Variants in HMGB1 observed in about 807,000 individuals in gnomAD.
The protein encoded by HMGB1 is high mobility group box 1, also known as high mobility group protein B1.
For missense variants in HMGB1, 79 were observed against 253.5 expected (o/e 0.31, Z 4.67); for synonymous variants, 81 against 84.0 (o/e 0.96, Z 0.19).
chr13:30,541,993 T>G (rs1489479457), intron 1 of HMGB1: 1 of 153,082 alleles, frequency 6.5e-6, no homozygotes, highest in African/African-American at 2.4e-5. Flanking sequence ...GCTCAATTTC[T>G]GCTTCCTCCT....
chr13:30,564,417 G>A (rs1467963491), intron 1 of HMGB1, among the ~76,000 whole-genome samples: 1 of 152,054 alleles, frequency 6.6e-6, no homozygotes, highest in African/African-American at 2.4e-5. Flanking sequence ...AATGAGCTGA[G>A]AATACACCAC....
chr13:30,518,770 A>G (rs1888156774), intron 1 of HMGB1, among the ~76,000 whole-genome samples: 2 of 150,188 alleles, frequency 1.3e-5, no homozygotes, highest in African/African-American at 4.9e-5. Context: ...AGTGTCCACA[A>G]GCATGGCTCA....
At chr13:30,597,708 T>C (rs1323114473) in intron 1 of HMGB1, among the ~76,000 whole-genome samples, 1 of 152,230 alleles carries the variant, frequency 6.6e-6, no homozygotes, top group Non-Finnish European at 1.5e-5. Context: ...GGTCAGATAG[T>C]AAACATTTTA....
chr13:30,464,681 G>A (rs1327231510), intron 1 of HMGB1: 1 of 973,390 alleles, frequency 1.0e-6, no homozygotes, highest in African/African-American at 1.8e-5. Context: ...GGCGCGCACG[G>A]AATGGCCGCT....
chr13:30,533,866 CTT>C (rs398056244), intron 1 of HMGB1, among the ~76,000 whole-genome samples: 27 of 142,738 alleles, frequency 1.9e-4, no homozygotes, highest in African/African-American at 4.1e-4. Context: ...TAAAGACTAT[CTT>C]TTTTTTTTTT....
At chr13:30,481,262 G>GA (rs141070482) in intron 1 of HMGB1, among the ~76,000 whole-genome samples, 25 of 130,330 alleles carry the variant, frequency 1.9e-4, no homozygotes, top group East Asian at 8.5e-4. Flanking sequence ...TTTTGATGGA[G>GA]AAAAAAAAAA....
chr13:30,509,949 T>G (rs1254259029), intron 1 of HMGB1, among the ~76,000 whole-genome samples: 1 of 152,188 alleles, frequency 6.6e-6, no homozygotes, highest in Non-Finnish European at 1.5e-5. Context: ...AATAGTCTAT[T>G]TCATATCCCA....
At chr13:30,596,654 T>C (rs1277108267) in intron 1 of HMGB1, among the ~76,000 whole-genome samples, 1 of 152,234 alleles carries the variant, frequency 6.6e-6, no homozygotes, top group East Asian at 1.9e-4. Flanking sequence ...ACAACTTTAC[T>C]ATGCAAGTAT....
At chr13:30,531,509 C>CGTGTGTGTGTGTGTGT (rs376387192) in intron 1 of HMGB1, among the ~76,000 whole-genome samples, 68 of 135,666 alleles carry the variant, frequency 5.0e-4, no homozygotes, top group African/African-American at 1.5e-3. Flanking sequence ...GTAACATATA[C>CGTGTGTGTGTGTGTGT]GTGTGTGTGT....
At chr13:30,524,842 TCA>T (rs1888329248) in intron 1 of HMGB1, among the ~76,000 whole-genome samples, 1 of 152,238 alleles carries the variant, frequency 6.6e-6, no homozygotes, top group African/African-American at 2.4e-5. Flanking sequence ...AAAGATTTGG[TCA>T]CATTGTATTT....
chr13:30,536,818 A>C (rs1008511463), intron 1 of HMGB1, among the ~76,000 whole-genome samples: 1 of 151,688 alleles, frequency 6.6e-6, no homozygotes, highest in Non-Finnish European at 1.5e-5. Context: ...GCTATTTGTC[A>C]CCATACTCTC....
chr13:30,594,844 C>A (rs905790829), intron 1 of HMGB1, among the ~76,000 whole-genome samples: 1 of 152,158 alleles, frequency 6.6e-6, no homozygotes, highest in Non-Finnish European at 1.5e-5. Flanking sequence ...GTAAGTGTTC[C>A]CTTTTCTCCA....
chr13:30,598,527 GA>G (rs1871716353), intron 1 of HMGB1, among the ~76,000 whole-genome samples: 1 of 152,196 alleles, frequency 6.6e-6, no homozygotes, highest in African/African-American at 2.4e-5. Flanking sequence ...AAGTGAAATA[GA>G]AAAACAACAT....
At chr13:30,465,158 C>A in intron 1 of HMGB1, 1 of 966,462 alleles carries the variant, frequency 1.0e-6, no homozygotes, top group South Asian at 4.6e-5. Flanking sequence ...AGCCATGTTC[C>A]AGCGAGCGCA....
At chr13:30,611,419 T>C (rs1028131295) in intron 1 of HMGB1, among the ~76,000 whole-genome samples, 7 of 152,136 alleles carry the variant, frequency 4.6e-5, no homozygotes, top group African/African-American at 1.7e-4. Context: ...ACCTCGGCCT[T>C]CCAAAGTGCT....
chr13:30,586,976 T>G (rs1257902161), intron 1 of HMGB1, among the ~76,000 whole-genome samples: 3 of 152,198 alleles, frequency 2.0e-5, no homozygotes, highest in Non-Finnish European at 4.4e-5. Flanking sequence ...TATAAATTTA[T>G]GAAGAATTCT....
intron 1 of HMGB1, among the ~76,000 whole-genome samples, chr13:30,537,619 G>A (rs921459870): frequency 3.0e-5 from 4 of 132,718 alleles, no homozygotes; most frequent in African/African-American, 5.5e-5. Flanking sequence ...CACCCACGTC[G>A]CTGCATGTGG....
At chr13:30,538,216 C>T (rs1311300860) in intron 1 of HMGB1, among the ~76,000 whole-genome samples, 1 of 152,188 alleles carries the variant, frequency 6.6e-6, no homozygotes, top group African/African-American at 2.4e-5. Context: ...ATACACAGCT[C>T]CATGAAATCT....
chr13:30,462,175 A>G (rs1235843784), intron 4 of HMGB1, among the ~76,000 whole-genome samples: 1 of 152,204 alleles, frequency 6.6e-6, no homozygotes, highest in African/African-American at 2.4e-5. Context: ...ATGTTTCAGG[A>G]TATGACTAAG....
Sources: allele counts gnomAD v4.1 joint callset (sites outside exome capture counted in the v4.1 genomes callset), GRCh38; gene constraint gnomAD v4.1.1; transcripts MANE v1.5; gene names NCBI Gene and HGNC (gene_info 2026-07-23, HGNC 2026-07-21).